The following HECW2 variants were observed in gnomAD, a reference collection of about 807,000 sequenced individuals.
HECW2 encodes the protein HECT, C2 and WW domain containing E3 ubiquitin protein ligase 2.
HECW2 carries 61 observed loss-of-function variants against 175.2 expected under a neutral mutation model. The observed-to-expected ratio is 0.35, with a 90% CI of 0.28 to 0.43. The LOEUF is 0.43. HECW2 is among the 20% of genes least tolerant of loss of function. The pLI, the probability that HECW2 is intolerant of heterozygous loss-of-function variation, is 1.00. For synonymous variants in HECW2, 671 were observed against 731.0 expected (o/e 0.92, Z 1.32); for missense variants, 1,524 against 2,000.5 (o/e 0.76, Z 4.54).
At chr2:196,276,590 C>T (rs961314976) in intron 15 of HECW2, among the ~76,000 whole-genome samples, 1 of 152,176 alleles carries the variant, frequency 6.6e-6, no homozygotes, top group African/African-American at 2.4e-5. Flanking sequence ...AATTGTGCTA[C>T]ACATCGCACA....
Position 196,353,206 on chromosome 2 carries a change from G to C in HECW2, c.293-9442C>G, listed in dbSNP as rs1009508684. On this transcript the variant is annotated intron_variant, in intron 2 of 28. Coordinates refer to ENST00000644978, the MANE Select transcript of HECW2 (RefSeq NM_001348768.2). Reference sequence around the variant, plus strand: ...TTGCTCTGGCCATCCCATTCACCTGGAACTTTCCCCGAGATACTGTTATGG... The same window carrying C: ...TTGCTCTGGCCATCCCATTCACCTGCAACTTTCCCCGAGATACTGTTATGG... Among the ~76,000 whole-genome samples, 15 of 152,076 alleles carry C rather than the reference G, an allele frequency of 9.9e-5. No individual in the cohort carries two copies. The South Asian group carries it at 2.5e-3, about 25-fold the overall frequency.
intron 1 of HECW2, among the ~76,000 whole-genome samples, chr2:196,585,810 A>G (rs1176146969): frequency 6.6e-6 from 1 of 152,210 alleles, no homozygotes; most frequent in Non-Finnish European, 1.5e-5. Context: ...GCCAATGGCA[A>G]TAAAGATTAT....
intron 2 of HECW2, among the ~76,000 whole-genome samples, chr2:196,357,340 G>C (rs116704362): frequency 6.6e-6 from 1 of 151,012 alleles, no homozygotes; most frequent in Admixed American, 6.6e-5. Flanking sequence ...GCGGGGGGGC[G>C]GCACTCATCC....
intron 3 of HECW2, among the ~76,000 whole-genome samples, chr2:196,341,070 C>A (rs1055719086): frequency 6.6e-6 from 1 of 152,118 alleles, no homozygotes; most frequent in East Asian, 1.9e-4. Context: ...TCAGCCAGGA[C>A]ATTATGAATC....
At position 196,392,434 on chromosome 2, in the gene HECW2, A is replaced by G. The variant is rs139715337; in HGVS notation, c.292+40698T>C. On this transcript the variant is annotated intron_variant, in intron 2 of 28. Transcript: ENST00000644978. ...TTTGCTTTTAAGTTTTATATTCCTT[A>G]ATTAAAATGCTACATAGAGAAGTTT... Among the ~76,000 whole-genome samples the G allele has an allele frequency of 4.1e-3, 622 of 152,276 alleles. 1 individual carries two copies. Among genetic ancestry groups the G allele is most frequent in the African/African-American group, 0.013 (539 of 41,562 alleles).
Position 196,308,126 on chromosome 2 carries a change from G to A in HECW2, c.2435-41C>T, listed in dbSNP as rs773841352. The A allele has an allele frequency of 1.2e-5, 17 of 1,456,820 alleles. No individual in the cohort carries two copies. The Admixed American group carries it at 3.3e-4, about 29-fold the overall frequency. The allele number at this position is 1,456,820 out of a possible 1,614,324, so 90.2% of individuals were successfully genotyped here. A position where few individuals can be genotyped will look rare whatever the true frequency, so the allele number is the denominator to read the frequency against. Reference sequence around the variant, plus strand: ...GCACCGAAAGGAATTAGGAGGAGGAGCTGAGATGATTAATAGGGTTCATTA... The same window carrying A: ...GCACCGAAAGGAATTAGGAGGAGGAACTGAGATGATTAATAGGGTTCATTA... On this transcript the variant is annotated intron_variant, in intron 10 of 28. Transcript: ENST00000644978.
At chr2:196,506,556 C>T (rs1687767548) in intron 1 of HECW2, among the ~76,000 whole-genome samples, 1 of 152,130 alleles carries the variant, frequency 6.6e-6, no homozygotes, top group East Asian at 1.9e-4. Flanking sequence ...CACACATACA[C>T]ACTTATTTCA....
At chr2:196,423,119 T>G (rs1310691164) in intron 2 of HECW2, among the ~76,000 whole-genome samples, 1 of 152,142 alleles carries the variant, frequency 6.6e-6, no homozygotes, top group Non-Finnish European at 1.5e-5. Flanking sequence ...ATTCATTCAG[T>G]GGGTAAGTTT....
intron 28 of HECW2, among the ~76,000 whole-genome samples, chr2:196,209,323 CT>C (rs1276631333): frequency 1.3e-5 from 2 of 152,058 alleles, no homozygotes; most frequent in Non-Finnish European, 2.9e-5. Context: ...AGAAGAGTCC[CT>C]TTTTTTAATA....
chr2:196,482,871 C>T (rs1357827355), intron 1 of HECW2, among the ~76,000 whole-genome samples: 1 of 152,156 alleles, frequency 6.6e-6, no homozygotes, highest in East Asian at 1.9e-4. Context: ...TCACTGGTTA[C>T]ACATCGCAAC....
rs111944481 is a variant in HECW2, at chr2:196,336,848, C to G, written c.401-2330G>C. On this transcript the variant is annotated intron_variant, in intron 3 of 28. Coordinates refer to ENST00000644978, the MANE Select transcript of HECW2 (RefSeq NM_001348768.2). The stretch of plus-strand genomic sequence containing the variant: ...GGGCATGATCCAATCCCCCCACCCC[C>G]ACCAGTGCTACAGAGCTGTGTGTCG... Among the ~76,000 whole-genome samples, 16 of 152,224 alleles carry G rather than the reference C, an allele frequency of 1.1e-4. 1 individual carries two copies. Among genetic ancestry groups the G allele is most frequent in the African/African-American group, 3.4e-4 (14 of 41,532 alleles).
chr2:196,327,696 T>C (rs942177534), intron 5 of HECW2, among the ~76,000 whole-genome samples: 2 of 152,200 alleles, frequency 1.3e-5, no homozygotes, highest in African/African-American at 4.8e-5. Context: ...CATTATAGAA[T>C]TGGTTTCAGC....
chr2:196,353,466 A>T (rs778539635), intron 2 of HECW2, among the ~76,000 whole-genome samples: 43 of 152,300 alleles, frequency 2.8e-4, no homozygotes, highest in Middle Eastern at 3.4e-3. Flanking sequence ...GAGGTCAAGG[A>T]ATTTTGTCTA....
At chr2:196,456,665 G>A (rs569424229) in intron 1 of HECW2, among the ~76,000 whole-genome samples, 79 of 152,322 alleles carry the variant, frequency 5.2e-4, no homozygotes, top group African/African-American at 1.9e-3. Context: ...TGACACTGAA[G>A]TGGGTCCAGA....
At chr2:196,552,172 A>G in intron 1 of HECW2, among the ~76,000 whole-genome samples, 1 of 152,222 alleles carries the variant, frequency 6.6e-6, no homozygotes, top group Non-Finnish European at 1.5e-5. Context: ...ATTATAATGC[A>G]TGGCCAAGTT....
intron 1 of HECW2, chr2:196,592,858 G>A (rs1469687851): frequency 2.0e-5 from 3 of 150,378 alleles, no homozygotes; most frequent in Admixed American, 6.6e-5. Context: ...CGGACCCGCG[G>A]CCCCGGCGCC....
intron 17 of HECW2, among the ~76,000 whole-genome samples, chr2:196,267,753 C>T (rs1487843309): frequency 1.3e-5 from 2 of 152,158 alleles, no homozygotes; most frequent in Non-Finnish European, 2.9e-5. Flanking sequence ...TATCCTCTGG[C>T]TTAGGATGAA....
intron 1 of HECW2, among the ~76,000 whole-genome samples, chr2:196,479,017 A>G (rs552261020): frequency 2.3e-4 from 35 of 152,330 alleles, no homozygotes; most frequent in Middle Eastern, 3.4e-3. Flanking sequence ...ATAATTCAGA[A>G]CAATACAGTA....
chr2:196,339,177 G>A (rs1046105739), intron 3 of HECW2, among the ~76,000 whole-genome samples: 1 of 152,164 alleles, frequency 6.6e-6, no homozygotes, highest in African/African-American at 2.4e-5. Flanking sequence ...ATTGGTGGGA[G>A]GGGACTTAGG....
Sources: allele counts gnomAD v4.1 joint callset (sites outside exome capture counted in the v4.1 genomes callset), GRCh38; gene constraint gnomAD v4.1.1; transcripts MANE v1.5; gene names NCBI Gene and HGNC (gene_info 2026-07-23, HGNC 2026-07-21).